Variants in PHF20 observed in about 807,000 individuals in gnomAD.
PHF20 encodes the protein PHD finger protein 20.
In PHF20, 23 loss-of-function variants were observed where a neutral mutation model predicts 113.5. The ratio of observed to expected loss-of-function variants is 0.20; its 90% CI spans 0.15 to 0.29. The LOEUF (loss-of-function observed/expected upper bound fraction) is 0.29, where lower values mean the gene tolerates loss of function less well. Among genes scored for constraint, PHF20 ranks in the 10% least tolerant of loss-of-function variants. The pLI is 1.00. For synonymous variants in PHF20, 434 were observed against 457.3 expected (o/e 0.95, Z 0.65); for missense variants, 943 against 1,219.6 (o/e 0.77, Z 3.38).
Position 35,939,027 on chromosome 20 carries a change from T to C in PHF20, c.2631T>C (p.Asp877=). ...ACCCCCTCCATGAGAACGGCGATGATTCCCTTTCCCCGCGCCTGGGCTGGC... is the reference window on the plus strand; with the variant it reads ...ACCCCCTCCATGAGAACGGCGATGACTCCCTTTCCCCGCGCCTGGGCTGGC... ...AVNPLHENGD[D]SLSPRLGWPL... is the part of the protein sequence containing the mutation. Residue 877 remains aspartate (D), a synonymous_variant, in exon 16 of 18, where the codon GAT becomes GAC. Coordinates refer to ENST00000374012, the MANE Select transcript of PHF20 (RefSeq NM_016436.5). 1 of 1,614,136 alleles carries C rather than the reference T, an allele frequency of 6.2e-7. No individual in the cohort carries two copies. The highest frequency in any genetic ancestry group is 8.5e-7 in the Non-Finnish European group (1 of 1,180,010).
At chr20:35,880,202 G>A (rs1257255153) in intron 9 of PHF20, among the ~76,000 whole-genome samples, 1 of 152,142 alleles carries the variant, frequency 6.6e-6, no homozygotes, top group Non-Finnish European at 1.5e-5. Flanking sequence ...GTGCTTTAGC[G>A]GCAGGGATGG....
intron 4 of PHF20, among the ~76,000 whole-genome samples, chr20:35,856,873 G>A (rs1019107669): frequency 1.3e-5 from 2 of 152,174 alleles, no homozygotes; most frequent in Non-Finnish European, 2.9e-5. Context: ...TTGGATGGTG[G>A]TAATGGGAAA....
At chr20:35,929,766 A>G (rs1391166137) in intron 14 of PHF20, among the ~76,000 whole-genome samples, 4 of 152,246 alleles carry the variant, frequency 2.6e-5, no homozygotes, top group African/African-American at 7.2e-5. Context: ...TCTTCCTTGA[A>G]CTGAGCACAG....
At position 35,871,725 on chromosome 20, in the gene PHF20, G is replaced by A. The variant is rs757029790; in HGVS notation, c.1178G>A (p.Gly393Glu). 3 of 1,613,948 alleles carry A rather than the reference G, an allele frequency of 1.9e-6. No individual in the cohort carries two copies. Among genetic ancestry groups the A allele is most frequent in the Non-Finnish European group, 2.5e-6 (3 of 1,179,930 alleles). ...LTCHSFGDGS[G>E]AAGLELNCPS... ...TGCCACTCCTTTGGGGATGGATCCG[G>A]GGCTGCAGGCTTGGAGTTGAACTGC... Residue 393 changes from glycine to glutamate, a missense_variant, in exon 9 of 18, where the codon GGG (glycine) becomes GAG (glutamate). Gly to Glu is a moderately conservative substitution (Grantham distance 98). This residue lies in a region of PHF20 where 592 missense variants were observed against 787.2 expected (regional missense o/e 0.75). Transcript: ENST00000374012.
chr20:35,785,063 A>G (rs1276427519), intron 1 of PHF20, among the ~76,000 whole-genome samples: 1 of 151,266 alleles, frequency 6.6e-6, no homozygotes, highest in East Asian at 1.9e-4. Context: ...AAAAAAAAAA[A>G]GAGGGTAGTG....
intron 9 of PHF20, among the ~76,000 whole-genome samples, chr20:35,879,620 T>C (rs1467782693): frequency 6.6e-6 from 1 of 152,060 alleles, no homozygotes; most frequent in Non-Finnish European, 1.5e-5. Context: ...CGAATGTTAT[T>C]ACACTTGTGA....
chr20:35,896,799 CAAAAAAA>C (rs34377497), intron 9 of PHF20, among the ~76,000 whole-genome samples: 1 of 62,472 alleles, frequency 1.6e-5, no homozygotes. Context: ...GACTCCGTCT[CAAAAAAA>C]AAAAAAAAAA....
At chr20:35,835,056 CA>C (rs1363304583) in intron 2 of PHF20, among the ~76,000 whole-genome samples, 1 of 152,028 alleles carries the variant, frequency 6.6e-6, no homozygotes, top group African/African-American at 2.4e-5. Flanking sequence ...GCGGGCGGAT[CA>C]CGAGGTCAAG....
intron 1 of PHF20, among the ~76,000 whole-genome samples, chr20:35,795,610 C>T (rs920760805): frequency 6.6e-5 from 10 of 151,958 alleles, no homozygotes; most frequent in South Asian, 2.1e-4. Flanking sequence ...ATAGCACCCA[C>T]GATAGGGGCC....
intron 2 of PHF20, among the ~76,000 whole-genome samples, chr20:35,807,416 G>A (rs892404609): frequency 6.7e-6 from 1 of 148,336 alleles, no homozygotes; most frequent in Non-Finnish European, 1.5e-5. Context: ...GCAGTAGAGC[G>A]ATTTGGGCTC....
At chr20:35,878,512 C>T in intron 9 of PHF20, 1 of 619,478 alleles carries the variant, frequency 1.6e-6, no homozygotes, top group Non-Finnish European at 2.9e-6. Flanking sequence ...ATCAGGGATC[C>T]AAACTTATTC....
chr20:35,809,424 C>CA (rs1447799787), intron 2 of PHF20, among the ~76,000 whole-genome samples: 2 of 151,590 alleles, frequency 1.3e-5, no homozygotes, highest in African/African-American at 2.4e-5. Flanking sequence ...ACTAAAAGTA[C>CA]AAAAATCAGT....
chr20:35,805,694 G>C (rs1201970035), intron 2 of PHF20, among the ~76,000 whole-genome samples: 1 of 151,972 alleles, frequency 6.6e-6, no homozygotes, highest in Non-Finnish European at 1.5e-5. Context: ...TGCCAAGGCT[G>C]ATCTCGAATT....
intron 11 of PHF20, among the ~76,000 whole-genome samples, 193 bp downstream of exon 11, chr20:35,913,540 C>T (rs1341594595): frequency 1.3e-5 from 2 of 152,218 alleles, no homozygotes; most frequent in African/African-American, 4.8e-5. Flanking sequence ...TTACAAAGTC[C>T]TGCTGGCATT....
intron 9 of PHF20, among the ~76,000 whole-genome samples, chr20:35,883,471 C>T (rs949046437): frequency 2.0e-5 from 3 of 152,138 alleles, no homozygotes; most frequent in African/African-American, 7.2e-5. Flanking sequence ...CAGGGTCTCA[C>T]TCTGTCATCC....
chr20:35,815,012 A>G (rs1246374987), intron 2 of PHF20, among the ~76,000 whole-genome samples: 13 of 151,820 alleles, frequency 8.6e-5, no homozygotes, highest in Non-Finnish European at 1.9e-4. Flanking sequence ...ACTGGCCAAC[A>G]TGATGAAACC....
At position 35,924,026 on chromosome 20, in the gene PHF20, G is replaced by T. The variant is rs564864229; in HGVS notation, c.2005-3754G>T. Among the ~76,000 whole-genome samples, 28 of 151,936 alleles carry T rather than the reference G, an allele frequency of 1.8e-4. 1 individual carries two copies. In the South Asian group the frequency reaches 5.8e-3, roughly 32 times the overall value. On this transcript the variant is annotated intron_variant, in intron 13 of 17. Transcript: ENST00000374012. ...CCTCCTCAGCCTCCCAAAGTGCTAG[G>T]ATTACAGGTGTGAGCCACCCTGCCC...
intron 2 of PHF20, among the ~76,000 whole-genome samples, chr20:35,825,474 G>A (rs1306519046): frequency 1.3e-5 from 2 of 152,148 alleles, no homozygotes; most frequent in Non-Finnish European, 2.9e-5. Context: ...CTAATGACAG[G>A]CCTCAAACTC....
At chr20:35,818,106 A>G (rs2042108488) in intron 2 of PHF20, among the ~76,000 whole-genome samples, 1 of 151,972 alleles carries the variant, frequency 6.6e-6, no homozygotes, top group Non-Finnish European at 1.5e-5. Context: ...CAACATGGTG[A>G]AACTCCGTCT....
Sources: allele counts gnomAD v4.1 joint callset (sites outside exome capture counted in the v4.1 genomes callset), GRCh38; gene constraint gnomAD v4.1.1; regional missense constraint gnomAD v4.1.1; transcripts MANE v1.5; gene names NCBI Gene and HGNC (gene_info 2026-07-23, HGNC 2026-07-21).